The following TMEM201 variants were observed in gnomAD, a reference collection of about 807,000 sequenced individuals.
TMEM201 encodes the protein transmembrane protein 201.
Under a neutral mutation model 63.4 loss-of-function variants are expected in TMEM201, and 26 were observed. The ratio of observed to expected loss-of-function variants is 0.41; its 90% CI spans 0.30 to 0.57. TMEM201 has a LOEUF of 0.57. Among genes scored for constraint, TMEM201 ranks in the 20% least tolerant of loss-of-function variants. TMEM201 has a pLI of 0.29. For missense variants in TMEM201, 794 were observed against 917.7 expected (o/e 0.87, Z 1.74); for synonymous variants, 417 against 421.6 (o/e 0.99, Z 0.14).
At chr1:9,589,139 G>T in intron 1 of TMEM201, 96 bp downstream of exon 1, 2 of 513,584 alleles carry the variant, frequency 3.9e-6, no homozygotes, top group Non-Finnish European at 5.0e-6. Context: ...GCCGGGACCC[G>T]GGCTGCCCGC....
Position 9,596,878 on chromosome 1 carries a change from C to T in TMEM201, c.254C>T (p.Pro85Leu), listed in dbSNP as rs773180773. 32 of 1,593,756 alleles carry T rather than the reference C, an allele frequency of 2.0e-5. No homozygotes were observed. The highest frequency in any genetic ancestry group is 4.0e-5 in the African/African-American group (3 of 74,620). Residue 85 changes from proline to leucine, a missense_variant, in exon 3 of 11, where the codon CCG becomes CTG. Transcript: ENST00000340381. ...CCGCAGAACGGCGACTACAACAAGC[C>T]GATCCCCGCCCAGTACTTGGAGCAC... The part of the protein sequence containing the change: ...GFQENGDYNK[P>L]IPAQYLEHLN...
At chr1:9,593,271 G>A (rs1643951638) in intron 1 of TMEM201, among the ~76,000 whole-genome samples, 1 of 152,232 alleles carries the variant, frequency 6.6e-6, no homozygotes, top group African/African-American at 2.4e-5. Flanking sequence ...GTGGTCATGT[G>A]TCTGACGCCG....
Position 9,609,993 on chromosome 1 carries a change from TGGGGTCAGACA to T in TMEM201, c.1465+84_1465+94del, listed in dbSNP as rs1292312822. ...AGAGCATGGTGGTTTGTGTGAGCTT[TGGGGTCAGACA>T]GACCCCAAGTGTGTGTTCACATCTC... On this transcript the variant is annotated intron_variant, in intron 8 of 10. Transcript: ENST00000340381. 3 of 1,385,688 alleles carry T rather than the reference TGGGGTCAGACA, an allele frequency of 2.2e-6. No homozygotes were observed. The African/African-American group carries it at 4.3e-5, about 20-fold the overall frequency. The allele number at this position is 1,385,688 out of a possible 1,614,324, so 85.8% of individuals were successfully genotyped here.
intron 4 of TMEM201, among the ~76,000 whole-genome samples, chr1:9,599,286 C>T (rs578185760): frequency 5.3e-5 from 8 of 151,896 alleles, no homozygotes; most frequent in Non-Finnish European, 1.2e-4. Flanking sequence ...TTCACACTGT[C>T]GCCCAGGCTG....
rs1353965579 is a variant in TMEM201 at position 9,608,583 on chromosome 1, G to T, written c.1393+794G>T. ...ACCCCAGCCTGGTGGCACTTGAATG[G>T]AACTTGGGGTGGGAGGTGCCAGGAG... is the stretch of plus-strand genomic sequence containing the variant. On this transcript the variant is annotated intron_variant, in intron 7 of 10. Coordinates refer to ENST00000340381, the MANE Select transcript of TMEM201 (RefSeq NM_001130924.3). The surrounding 1 kb of genome is among the most constrained non-coding windows in gnomAD (Gnocchi z 4.3). 2.0e-5 allele frequency among the ~76,000 whole-genome samples: 3 copies of T among 152,222 alleles called. No individual in the cohort carries two copies. The highest frequency in any genetic ancestry group is 4.4e-5 in the Non-Finnish European group (3 of 68,036).
rs1644231982 is a variant in TMEM201, at chr1:9,605,782, G to A, written c.1161-1775G>A. Among the ~76,000 whole-genome samples, 1 of 152,220 alleles carries A rather than the reference G, an allele frequency of 6.6e-6. No homozygotes were observed. The highest frequency in any genetic ancestry group is 2.4e-5 in the African/African-American group (1 of 41,454). On this transcript the variant is annotated intron_variant, in intron 6 of 10. Coordinates refer to ENST00000340381, the MANE Select transcript of TMEM201 (RefSeq NM_001130924.3). This position sits in a 1 kb window ranked among gnomAD's most constrained non-coding sequence, Gnocchi z 5.7. ...CGGGTGGTGTGAGCAGGAGCTGGGA[G>A]GAGTGGGGATGCACTGGCAAGACCC...
Position 9,609,830 on chromosome 1 carries a change from C to G in TMEM201, c.1394-10C>G. ...GGCCTGACGTGTCGCCCGCTTCTCT[C>G]TGTCTCCAGACTCCGGCTATCTGTT... On this transcript the variant is annotated splice_polypyrimidine_tract_variant and intron_variant, in intron 7 of 10. Coordinates refer to ENST00000340381, the MANE Select transcript of TMEM201 (RefSeq NM_001130924.3). The G allele has an allele frequency of 6.4e-7, 1 of 1,551,334 alleles. No individual in the cohort carries two copies. Among genetic ancestry groups the G allele is most frequent in the Non-Finnish European group, 8.7e-7 (1 of 1,146,912 alleles).
chr1:9,611,193 G>T, intron 9 of TMEM201: 29 of 509,264 alleles, frequency 5.7e-5, no homozygotes, highest in Non-Finnish European at 7.3e-5. Context: ...TGAATTTGTA[G>T]ATTTCCTTTT....
At chr1:9,589,149 C>G (rs1191259675) in intron 1 of TMEM201, 106 bp downstream of exon 1, 1 of 393,384 alleles carries the variant, frequency 2.5e-6, no homozygotes, top group African/African-American at 2.2e-5. Flanking sequence ...GGGCTGCCCG[C>G]GGGCGCGCGG....
intron 1 of TMEM201, among the ~76,000 whole-genome samples, chr1:9,589,893 C>T (rs1205069081): frequency 6.6e-6 from 1 of 152,214 alleles, no homozygotes; most frequent in Non-Finnish European, 1.5e-5. Context: ...AATGAGCTCA[C>T]ACCCTTAGGA....
At chr1:9,606,295 C>G (rs1557559960) in intron 6 of TMEM201, 1 of 152,216 alleles carries the variant, frequency 6.6e-6, no homozygotes, top group Non-Finnish European at 1.5e-5. Context: ...GGGGCCTTCC[C>G]CAGGGTCCCC....
chr1:9,602,625 CCT>C, intron 6 of TMEM201: 1 of 1,202,358 alleles, frequency 8.3e-7, no homozygotes, highest in East Asian at 4.5e-5. Flanking sequence ...CAGGCACCCC[CCT>C]CTCACCACGC....
In TMEM201 at chr1:9,613,217, T is replaced by A; in HGVS notation, c.*134T>A. 3.8e-6 allele frequency: 3 copies of A among 794,040 alleles called. No individual in the cohort carries two copies. The highest frequency in any genetic ancestry group is 1.6e-5 in the South Asian group (1 of 61,124). 49.2% of individuals were successfully genotyped at this position (794,040 alleles called of 1,614,324 possible). On this transcript the variant is annotated 3_prime_UTR_variant, in exon 11 of 11. Coordinates refer to ENST00000340381, the MANE Select transcript of TMEM201 (RefSeq NM_001130924.3). Reference sequence around the variant, plus strand: ...GGCCTTGACCTCACTGGACTGTGACTGTCCTCAGGACACCTGCCCCTCCTC... The same window carrying A: ...GGCCTTGACCTCACTGGACTGTGACAGTCCTCAGGACACCTGCCCCTCCTC...
Position 9,602,507 on chromosome 1 carries a change from T to C in TMEM201, c.1160+235T>C. 4 of 1,408,340 alleles carry C rather than the reference T, an allele frequency of 2.8e-6. No homozygotes were observed. The South Asian group carries it at 4.5e-5, about 16-fold the overall frequency. The allele number at this position is 1,408,340 out of a possible 1,614,324, so 87.2% of individuals were successfully genotyped here. A position where few individuals can be genotyped will look rare whatever the true frequency, so the allele number is the denominator to read the frequency against. ...CCATCCCCGAGTGCCCTGTAGCCAC[T>C]CACCACTGCTGCCACCTCTCTGGCC... On this transcript the variant is annotated intron_variant, in intron 6 of 10. Transcript: ENST00000340381.
chr1:9,612,273 C>T (rs1047949491), intron 10 of TMEM201, among the ~76,000 whole-genome samples: 3 of 152,228 alleles, frequency 2.0e-5, no homozygotes, highest in South Asian at 2.1e-4. Flanking sequence ...CCATCCTGGC[C>T]GGAAGTGCCC....
chr1:9,596,883 C>A lies in TMEM201; in HGVS notation c.259C>A (p.Pro87Thr). Residue 87 changes from proline to threonine, a missense_variant, in exon 3 of 11, where the codon CCC (proline) becomes ACC (threonine). Physicochemically the swap from Pro to Thr is conservative, Grantham distance 38 (BLOSUM62 -1). Transcript: ENST00000340381. ...QENGDYNKPI[P>T]AQYLEHLNHV... ...GAACGGCGACTACAACAAGCCGATC[C>A]CCGCCCAGTACTTGGAGCACCTGAA... 2 of 1,599,106 alleles carry A rather than the reference C, an allele frequency of 1.3e-6. No homozygotes were observed. The highest frequency in any genetic ancestry group is 4.5e-5 in the East Asian group (2 of 44,382).
At chr1:9,591,061 T>A (rs1409716061) in intron 1 of TMEM201, among the ~76,000 whole-genome samples, 1 of 152,194 alleles carries the variant, frequency 6.6e-6, no homozygotes, top group Non-Finnish European at 1.5e-5. Context: ...GCTTTAGGAC[T>A]GGCTGAGGCG....
At chr1:9,611,705 TG>T (rs1226556393) in intron 9 of TMEM201, 47 bp from the exon 10 acceptor site, 29 of 1,550,412 alleles carry the variant, frequency 1.9e-5, no homozygotes, top group Non-Finnish European at 2.5e-5. Flanking sequence ...CGTCTGTCCC[TG>T]GAGGGAGCCA....
chr1:9,596,123 C>A (rs1644015835), intron 2 of TMEM201, 113 bp downstream of exon 2: 5 of 1,346,548 alleles, frequency 3.7e-6, no homozygotes, highest in South Asian at 1.3e-5. Context: ...GGACCCCACA[C>A]CCTCATACCC....
Sources: gnomAD v4.1 joint callset for allele counts (sites outside exome capture counted in the v4.1 genomes callset) on GRCh38, gnomAD v4.1.1 for gene constraint, Gnocchi (gnomAD v3.1) non-coding constraint, MANE v1.5 for transcripts, NCBI Gene and HGNC (gene_info 2026-07-23, HGNC 2026-07-21) for gene names.